The following DHRSX variants were observed in gnomAD, a reference collection of about 807,000 sequenced individuals.
The protein encoded by DHRSX is dehydrogenase/reductase X-linked.
Under a neutral mutation model 34.0 loss-of-function variants are expected in DHRSX, and 31 were observed. The ratio of observed to expected loss-of-function variants is 0.91; its 90% CI spans 0.69 to 1.23. The LOEUF (loss-of-function observed/expected upper bound fraction) is 1.23. DHRSX is among the 50% of genes most tolerant of loss of function. The pLI is 0.00. For synonymous variants in DHRSX, 201 were observed against 183.8 expected, an observed-to-expected ratio of 1.09 and a Z score of -0.76; for missense variants, 414 against 428.1, an observed-to-expected ratio of 0.97 and a Z score of 0.29.
intron 3 of DHRSX, among the ~76,000 whole-genome samples, chrX:2,381,537 G>A (rs930641734): frequency 9.9e-5 from 15 of 151,936 alleles, no homozygotes; most frequent in East Asian, 1.9e-4. Flanking sequence ...CAGGAGAATC[G>A]CTTGAACCCA....
chrX:2,476,756 C>T (rs574993982), intron 1 of DHRSX, among the ~76,000 whole-genome samples: 1 of 152,160 alleles, frequency 6.6e-6, no homozygotes, highest in South Asian at 2.1e-4. Flanking sequence ...GTAATCCCAG[C>T]ATTTTGGGAG....
In DHRSX at chrX:2,273,940, C is replaced by T. The variant is rs745682698; in HGVS notation, c.389-6993G>A. On this transcript the variant is annotated intron_variant, in intron 4 of 6. Transcript: ENST00000334651. ...CGGGGAAGCTGCGTGAGAATTCCTG[C>T]GCCGTGGTGAATGCAGCAGCCACGC... 1.1e-4 allele frequency among the ~76,000 whole-genome samples: 17 copies of T among 152,308 alleles called. No individual in the cohort carries two copies. In the South Asian group the frequency reaches 1.2e-3, roughly 11 times the overall value.
intron 1 of DHRSX, chrX:2,490,690 C>T (rs748487175): frequency 9.3e-6 from 15 of 1,613,866 alleles, no homozygotes; most frequent in Non-Finnish European, 1.3e-5. Flanking sequence ...TCAGGTCTGT[C>T]TGGGAGCTCT....
intron 1 of DHRSX, among the ~76,000 whole-genome samples, chrX:2,480,216 C>A (rs192505460): frequency 1.3e-5 from 2 of 151,702 alleles, no homozygotes; most frequent in African/African-American, 4.8e-5. Flanking sequence ...TTTGCAGCAA[C>A]ATGGATGGGA....
chrX:2,468,077 C>T (rs2044525050), intron 1 of DHRSX, among the ~76,000 whole-genome samples: 1 of 151,820 alleles, frequency 6.6e-6, no homozygotes, highest in South Asian at 2.1e-4. Context: ...TCTAAGGTTT[C>T]TCTCCTGTCA....
chrX:2,379,619 T>TTTA (rs1415897271), intron 3 of DHRSX, among the ~76,000 whole-genome samples: 1 of 149,672 alleles, frequency 6.7e-6, no homozygotes, highest in Non-Finnish European at 1.5e-5. Context: ...TTTTTTTTTT[T>TTTA]AATGATGCTG....
chrX:2,319,840 T>A (rs1173778444), intron 3 of DHRSX, among the ~76,000 whole-genome samples: 1 of 151,946 alleles, frequency 6.6e-6, no homozygotes, highest in East Asian at 1.9e-4. Context: ...ATATACATAT[T>A]TTTTCGAGGT....
chrX:2,257,720 G>A (rs1379358879), intron 5 of DHRSX, among the ~76,000 whole-genome samples: 2 of 152,022 alleles, frequency 1.3e-5, no homozygotes, highest in Non-Finnish European at 1.5e-5. Flanking sequence ...CCGCCTCCCG[G>A]GTTCAAGCGA....
intron 1 of DHRSX, among the ~76,000 whole-genome samples, chrX:2,494,306 C>T (rs766435463): frequency 6.6e-6 from 1 of 151,866 alleles, no homozygotes; most frequent in East Asian, 1.9e-4. Flanking sequence ...GGTCTCGACA[C>T]CTGGAACAAA....
intron 3 of DHRSX, among the ~76,000 whole-genome samples, chrX:2,349,581 G>GGA (rs199621889): frequency 0.1 from 15,223 of 151,938 alleles, 2,076 homozygotes; most frequent in African/African-American, 0.31. Flanking sequence ...CAGCTACTTG[G>GGA]GAGGCTGAGG....
chrX:2,299,356 T>C (rs911649726), intron 3 of DHRSX, among the ~76,000 whole-genome samples: 2 of 152,078 alleles, frequency 1.3e-5, no homozygotes, highest in Admixed American at 1.3e-4. Flanking sequence ...GACAGGAGAT[T>C]CACGCACCTG....
intron 3 of DHRSX, among the ~76,000 whole-genome samples, chrX:2,400,769 G>C (rs904568563): frequency 7.2e-5 from 11 of 152,118 alleles, no homozygotes; most frequent in African/African-American, 2.2e-4. Context: ...ACTGACTCTT[G>C]TATTTTCAAT....
chrX:2,221,513 C>T (rs990214200), intron 6 of DHRSX, among the ~76,000 whole-genome samples: 2 of 152,116 alleles, frequency 1.3e-5, no homozygotes, highest in African/African-American at 2.4e-5. Flanking sequence ...CCCTGATGTA[C>T]GTATTTAATC....
At chrX:2,483,978 G>A (rs1363752500) in intron 1 of DHRSX, among the ~76,000 whole-genome samples, 4 of 152,080 alleles carry the variant, frequency 2.6e-5, no homozygotes, top group African/African-American at 7.2e-5. Context: ...TAGTGCCCAC[G>A]AAGTGGGAGT....
intron 6 of DHRSX, among the ~76,000 whole-genome samples, chrX:2,230,108 T>C (rs1486624257): frequency 6.6e-6 from 1 of 151,972 alleles, no homozygotes; most frequent in Non-Finnish European, 1.5e-5. Flanking sequence ...CATGTGAAGG[T>C]GTGTGTGCAT....
intron 6 of DHRSX, among the ~76,000 whole-genome samples, chrX:2,221,691 G>C (rs182202649): frequency 3.0e-4 from 46 of 152,270 alleles, no homozygotes; most frequent in African/African-American, 1.1e-3. Flanking sequence ...GAGAATTGAG[G>C]CATTTATGAG....
At chrX:2,454,562 C>T (rs1461904539) in intron 1 of DHRSX, among the ~76,000 whole-genome samples, 2 of 150,804 alleles carry the variant, frequency 1.3e-5, no homozygotes, top group African/African-American at 4.9e-5. Context: ...GTTGAGATTT[C>T]TACACTGTGA....
rs891238528 is a variant in DHRSX at position 2,500,833 on chromosome X, C to A, written c.93G>T (p.Gly31=). 2.8e-5 allele frequency: 32 copies of A among 1,142,848 alleles called. No homozygotes were observed. In the African/African-American group the frequency reaches 5.1e-4, roughly 18 times the overall value. 70.8% of individuals were successfully genotyped at this position (1,142,848 alleles called of 1,614,324 possible). ...CCCGCTGACCTGGCTCCAGGAAGCC[C>A]CCGCGGCAGCGCCGCAGCAGCTGCG... is the stretch of plus-strand genomic sequence containing the variant. ...ILAQLLRRCR[G]GFLEPVFPPR... The change falls in exon 1 of 7, where the codon GGG becomes GGT. Residue 31 remains glycine, a synonymous_variant. Transcript: ENST00000334651.
rs372806614 is a variant in DHRSX at position 2,500,249 on chromosome X, G to A, written c.109+568C>T. 408 of 157,036 alleles carry A rather than the reference G, an allele frequency of 2.6e-3. 1 individual carries two copies. The highest frequency in any genetic ancestry group is 8.5e-3 in the African/African-American group (354 of 41,880). The allele number at this position is 157,036 out of a possible 1,614,324, so 9.7% of individuals were successfully genotyped here. A position where few individuals can be genotyped will look rare whatever the true frequency, so the allele number is the denominator to read the frequency against. ...AGACCTCCGTGGCTCCCCAGTGCCC[G>A]AGAAGCCGCCTCTGGGCCCCCTCTG... On this transcript the variant is annotated intron_variant, in intron 1 of 6. Transcript: ENST00000334651.
Sources: gnomAD v4.1 joint callset for allele counts (sites outside exome capture counted in the v4.1 genomes callset) on GRCh38, gnomAD v4.1.1 for gene constraint, MANE v1.5 for transcripts, NCBI Gene and HGNC (gene_info 2026-07-23, HGNC 2026-07-21) for gene names.